Variants in ANKS1B observed in about 807,000 individuals in gnomAD.
The protein encoded by ANKS1B is ankyrin repeat and sterile alpha motif domain containing 1B.
A neutral mutation model predicts 148.3 loss-of-function variants in ANKS1B; 36 were observed. The ratio of observed to expected loss-of-function variants is 0.24; its 90% CI spans 0.19 to 0.32. The LOEUF (loss-of-function observed/expected upper bound fraction) is 0.32, where lower values mean the gene tolerates loss of function less well. Ranked by LOEUF, ANKS1B falls within the 10% of genes least tolerant of loss-of-function variation. The pLI is 1.00. For missense variants in ANKS1B, 1,157 were observed against 1,542.6 expected (o/e 0.75, Z 4.19); for synonymous variants, 542 against 560.8 (o/e 0.97, Z 0.47).
At chr12:99,291,471 C>A (rs1232010458) in intron 12 of ANKS1B, among the ~76,000 whole-genome samples, 3 of 152,158 alleles carry the variant, frequency 2.0e-5, no homozygotes, top group Non-Finnish European at 4.4e-5. Context: ...CTGGAGGAAT[C>A]ACATTACCAG....
chr12:99,095,436 C>T (rs1052285113), intron 15 of ANKS1B, among the ~76,000 whole-genome samples: 47 of 152,170 alleles, frequency 3.1e-4, no homozygotes, highest in African/African-American at 1.1e-3. Context: ...GGACTCTCCT[C>T]AGGATGAGTG....
intron 1 of ANKS1B, among the ~76,000 whole-genome samples, chr12:99,851,950 A>G (rs2087933631): frequency 6.6e-6 from 1 of 152,196 alleles, no homozygotes; most frequent in Admixed American, 6.5e-5. Context: ...TATGCATACA[A>G]TAAATACTTA....
chr12:99,608,354 T>C (rs2097867141), intron 9 of ANKS1B, among the ~76,000 whole-genome samples: 1 of 152,106 alleles, frequency 6.6e-6, no homozygotes, highest in Non-Finnish European at 1.5e-5. Flanking sequence ...TTTCCCATTC[T>C]GTCTGACCCA....
intron 19 of ANKS1B, among the ~76,000 whole-genome samples, chr12:98,816,246 G>A (rs1286735237): frequency 6.6e-6 from 1 of 152,066 alleles, no homozygotes; most frequent in Non-Finnish European, 1.5e-5. Flanking sequence ...AATTAAGTCT[G>A]TGCTTTCCAC....
intron 1 of ANKS1B, among the ~76,000 whole-genome samples, chr12:99,867,260 C>T (rs113511811): frequency 2.6e-5 from 4 of 152,014 alleles, no homozygotes; most frequent in African/African-American, 9.7e-5. Flanking sequence ...AAAATTATAA[C>T]ACAAACCAAT....
At chr12:99,742,650 C>G (rs1024778382) in intron 8 of ANKS1B, among the ~76,000 whole-genome samples, 1 of 151,504 alleles carries the variant, frequency 6.6e-6, no homozygotes, top group Non-Finnish European at 1.5e-5. Context: ...CTGACCAACA[C>G]GGTGAAACCC....
chr12:98,889,435 C>T (rs566184045), intron 17 of ANKS1B, among the ~76,000 whole-genome samples: 9 of 152,196 alleles, frequency 5.9e-5, no homozygotes, highest in African/African-American at 2.2e-4. Context: ...GCAACCTCCA[C>T]CTCCCGGGCT....
intron 9 of ANKS1B, among the ~76,000 whole-genome samples, chr12:99,534,956 A>T (rs2097050013): frequency 6.6e-6 from 1 of 151,634 alleles, no homozygotes; most frequent in African/African-American, 2.4e-5. Context: ...TGATCTGACC[A>T]CCTCGGCCTC....
At chr12:99,589,467 T>A (rs755432742) in intron 9 of ANKS1B, among the ~76,000 whole-genome samples, 1 of 151,906 alleles carries the variant, frequency 6.6e-6, no homozygotes, top group Non-Finnish European at 1.5e-5. Context: ...TACTTCTCAT[T>A]TAGGTTCCCT....
chr12:99,496,498 G>T (rs938326286), intron 10 of ANKS1B, among the ~76,000 whole-genome samples: 1 of 152,180 alleles, frequency 6.6e-6, no homozygotes, highest in African/African-American at 2.4e-5. Context: ...ATGAGTCTTA[G>T]CAAATTCACC....
At chr12:99,886,774 C>T (rs2092842433) in intron 1 of ANKS1B, among the ~76,000 whole-genome samples, 1 of 152,176 alleles carries the variant, frequency 6.6e-6, no homozygotes, top group South Asian at 2.1e-4. Context: ...AATACATCTA[C>T]ATATGAGTCT....
intron 15 of ANKS1B, among the ~76,000 whole-genome samples, chr12:99,096,392 A>C (rs2056138006): frequency 1.3e-5 from 2 of 152,238 alleles, no homozygotes; most frequent in Admixed American, 6.5e-5. Context: ...ATTTTTCCAC[A>C]TTGAAAACTT....
At chr12:99,103,071 A>G (rs569517322) in intron 15 of ANKS1B, among the ~76,000 whole-genome samples, 1 of 152,108 alleles carries the variant, frequency 6.6e-6, no homozygotes, top group East Asian at 1.9e-4. Flanking sequence ...AGGGAAAGGA[A>G]AACTGCTGGA....
chr12:98,860,549 G>C (rs925561375), intron 17 of ANKS1B, among the ~76,000 whole-genome samples: 6 of 152,196 alleles, frequency 3.9e-5, no homozygotes, highest in African/African-American at 1.4e-4. Context: ...TGGAAGCAGA[G>C]AGCCACACCA....
chr12:99,257,110 G>A (rs994268679), intron 12 of ANKS1B, among the ~76,000 whole-genome samples: 1 of 151,968 alleles, frequency 6.6e-6, no homozygotes, highest in East Asian at 1.9e-4. Context: ...CTGGCATTGT[G>A]GCGGGCGCCT....
At chr12:99,068,636 T>C (rs988901142) in intron 16 of ANKS1B, among the ~76,000 whole-genome samples, 6 of 151,044 alleles carry the variant, frequency 4.0e-5, no homozygotes, top group African/African-American at 1.5e-4. Context: ...GTGAAGTAAG[T>C]GATTGTATGT....
intron 17 of ANKS1B, among the ~76,000 whole-genome samples, chr12:99,047,171 A>T (rs898911025): frequency 1.3e-5 from 2 of 152,176 alleles, no homozygotes; most frequent in Non-Finnish European, 2.9e-5. Flanking sequence ...AGGCCAAGGC[A>T]GGTGGATCAC....
At chr12:99,639,246 C>T (rs1763879398) in intron 9 of ANKS1B, among the ~76,000 whole-genome samples, 1 of 152,162 alleles carries the variant, frequency 6.6e-6, no homozygotes, top group African/African-American at 2.4e-5. Context: ...TTTGTTTTGG[C>T]CAATTTCTCC....
At chr12:99,778,313 G>C (rs1415115633) in intron 6 of ANKS1B, among the ~76,000 whole-genome samples, 1 of 152,012 alleles carries the variant, frequency 6.6e-6, no homozygotes, top group African/African-American at 2.4e-5. Context: ...TTGGAGACCA[G>C]ACTGGCCAAC....
Sources: allele counts gnomAD v4.1 joint callset (sites outside exome capture counted in the v4.1 genomes callset), GRCh38; gene constraint gnomAD v4.1.1; transcripts MANE v1.5; gene names NCBI Gene and HGNC (gene_info 2026-07-23, HGNC 2026-07-21).